Variants in MTUS2 observed in about 807,000 individuals in gnomAD.
MTUS2 encodes the protein microtubule associated scaffold protein 2.
MTUS2 carries 40 observed loss-of-function variants against 114.1 expected under a neutral mutation model. That is an observed-to-expected ratio of 0.35 (90% confidence interval 0.27 to 0.46). The LOEUF is 0.46. MTUS2 is among the 20% of genes least tolerant of loss of function. MTUS2 has a pLI of 1.00. For synonymous variants in MTUS2, 688 were observed against 672.0 expected, an observed-to-expected ratio of 1.02 and a Z score of -0.37; for missense variants, 1,679 against 1,705.4, an observed-to-expected ratio of 0.98 and a Z score of 0.27.
chr13:29,128,954 A>C (rs553243576), intron 5 of MTUS2, among the ~76,000 whole-genome samples: 1 of 152,238 alleles, frequency 6.6e-6, no homozygotes. Context: ...TGTGCATCAA[A>C]GGATGACCCT....
chr13:29,382,610 G>A (rs1264846853), intron 8 of MTUS2, among the ~76,000 whole-genome samples: 1 of 152,190 alleles, frequency 6.6e-6, no homozygotes, highest in East Asian at 1.9e-4. Context: ...AAGTGAAGGT[G>A]TTAAGTAGGC....
At chr13:28,876,415 C>T (rs1877933388) in intron 2 of MTUS2, among the ~76,000 whole-genome samples, 1 of 152,180 alleles carries the variant, frequency 6.6e-6, no homozygotes, top group Non-Finnish European at 1.5e-5. Context: ...TCCCGCATGA[C>T]ATCATCTGGT....
intron 4 of MTUS2, among the ~76,000 whole-genome samples, chr13:29,047,567 G>T (rs749131525): frequency 4.0e-5 from 6 of 148,960 alleles, no homozygotes; most frequent in Non-Finnish European, 7.4e-5. Flanking sequence ...AGGCTGGAGT[G>T]CAGTGGCGCA....
rs765056510 is a variant in MTUS2, at chr13:29,497,221, T to G, written c.3580-17T>G. 6.2e-7 allele frequency: 1 copy of G among 1,609,800 alleles called. No homozygotes were observed. The highest frequency in any genetic ancestry group is 8.5e-7 in the Non-Finnish European group (1 of 1,177,824). Reference sequence around the variant, plus strand: ...CTGTAGTGGCCCCAGCTGGACTCCTTGTATCATTACTTGCAGGACCAGGTG... The same window carrying G: ...CTGTAGTGGCCCCAGCTGGACTCCTGGTATCATTACTTGCAGGACCAGGTG... On this transcript the variant is annotated splice_polypyrimidine_tract_variant and intron_variant, in intron 12 of 15. Transcript: ENST00000612955.
rs1266870140 is a variant in MTUS2, at chr13:28,912,876, TTTG to T, written c.-243+73029_-243+73031del. On this transcript the variant is annotated intron_variant, in intron 2 of 15. Transcript: ENST00000612955. ...ATTTTTGCACATTTTTAAAAAAAAT[TTTG>T]TTATTATTATACTTTAAGTTTTAGG... Among the ~76,000 whole-genome samples, 8 of 150,810 alleles carry T rather than the reference TTTG, an allele frequency of 5.3e-5. No homozygotes were observed. In the East Asian group the frequency reaches 1.6e-3, roughly 30 times the overall value.
At chr13:29,204,826 C>T (rs769198552) in intron 5 of MTUS2, among the ~76,000 whole-genome samples, 7 of 152,242 alleles carry the variant, frequency 4.6e-5, no homozygotes, top group South Asian at 2.1e-4. Flanking sequence ...ACTAAAAGCG[C>T]GCAAAGCATC....
At chr13:29,472,128 G>A (rs1039807107) in intron 9 of MTUS2, among the ~76,000 whole-genome samples, 2 of 152,114 alleles carry the variant, frequency 1.3e-5, no homozygotes, top group African/African-American at 2.4e-5. Flanking sequence ...GAGTTCAAGC[G>A]ATTCTCCTGC....
At chr13:29,456,740 T>A (rs765781321) in intron 9 of MTUS2, among the ~76,000 whole-genome samples, 1 of 152,116 alleles carries the variant, frequency 6.6e-6, no homozygotes, top group Non-Finnish European at 1.5e-5. Flanking sequence ...AAAAAAACTG[T>A]CAACCAGAAT....
intron 2 of MTUS2, among the ~76,000 whole-genome samples, chr13:28,933,404 G>A (rs1008588132): frequency 1.3e-5 from 2 of 152,168 alleles, no homozygotes; most frequent in Non-Finnish European, 2.9e-5. Flanking sequence ...TGCTCTTGAG[G>A]CCTTCCACTG....
In MTUS2 at chr13:29,480,032, G is replaced by A. The variant is rs1320134113; in HGVS notation, c.3185-118G>A. 1.0e-6 allele frequency: 1 copy of A among 986,912 alleles called. No homozygotes were observed. Among genetic ancestry groups the A allele is most frequent in the East Asian group, 2.6e-5 (1 of 37,986 alleles). 61.1% of individuals were successfully genotyped at this position (986,912 alleles called of 1,614,324 possible). A position where few individuals can be genotyped will look rare whatever the true frequency, so the allele number is the denominator to read the frequency against. On this transcript the variant is annotated intron_variant, in intron 9 of 15. Transcript: ENST00000612955. This position sits in a 1 kb window ranked among gnomAD's most constrained non-coding sequence, Gnocchi z 4.4. ...TTACAAACTGTGTAGCCCTGCAGAA[G>A]TCAGAGGACCTCGCCCTGTTTATTA... is the stretch of plus-strand genomic sequence containing the variant.
At chr13:28,903,169 G>C (rs2137968314) in intron 2 of MTUS2, among the ~76,000 whole-genome samples, 1 of 152,244 alleles carries the variant, frequency 6.6e-6, no homozygotes, top group African/African-American at 2.4e-5. Flanking sequence ...TGTTCTTCAT[G>C]TGAGAGTGTC....
chr13:29,482,894 TC>T (rs1488059849), intron 10 of MTUS2, among the ~76,000 whole-genome samples: 2 of 152,238 alleles, frequency 1.3e-5, no homozygotes, highest in Non-Finnish European at 2.9e-5. Flanking sequence ...GTTGGCTGTT[TC>T]CCCAGGCTTC....
chr13:29,007,425 G>A (rs956671119), intron 2 of MTUS2, among the ~76,000 whole-genome samples: 2 of 152,006 alleles, frequency 1.3e-5, no homozygotes, highest in Non-Finnish European at 2.9e-5. Flanking sequence ...CATCAATTTT[G>A]GATATTTATC....
intron 5 of MTUS2, among the ~76,000 whole-genome samples, chr13:29,247,705 G>T (rs1028412286): frequency 6.6e-6 from 1 of 152,106 alleles, no homozygotes; most frequent in East Asian, 1.9e-4. Flanking sequence ...ATGTGATACC[G>T]CCATACTCCT....
intron 3 of MTUS2, among the ~76,000 whole-genome samples, chr13:29,029,175 G>A (rs941214989): frequency 1.6e-4 from 24 of 152,178 alleles, no homozygotes; most frequent in African/African-American, 5.8e-4. Context: ...ACAGGCCTCT[G>A]ATTATAACGG....
At chr13:29,418,159 CA>C (rs961655254) in intron 8 of MTUS2, among the ~76,000 whole-genome samples, 1 of 152,124 alleles carries the variant, frequency 6.6e-6, no homozygotes, top group Admixed American at 6.5e-5. Flanking sequence ...AGCCAGTGCC[CA>C]ATAGTCCTTG....
intron 7 of MTUS2, among the ~76,000 whole-genome samples, chr13:29,357,005 CAGA>C (rs1293795966): frequency 6.6e-6 from 1 of 152,110 alleles, no homozygotes; most frequent in Admixed American, 6.5e-5. Context: ...TCGCTGGCCC[CAGA>C]AGAAGAGGTG....
chr13:28,909,387 C>T (rs890556138), intron 2 of MTUS2, among the ~76,000 whole-genome samples: 6 of 151,932 alleles, frequency 3.9e-5, no homozygotes, highest in African/African-American at 9.7e-5. Flanking sequence ...TTGTAGTTCT[C>T]CTTGAAGAGG....
intron 2 of MTUS2, among the ~76,000 whole-genome samples, chr13:28,963,609 C>A (rs1442035411): frequency 3.9e-5 from 6 of 152,070 alleles, no homozygotes; most frequent in African/African-American, 1.4e-4. Context: ...AAAAACAAAA[C>A]CAAAACCCCT....
Sources: allele counts gnomAD v4.1 joint callset (sites outside exome capture counted in the v4.1 genomes callset), GRCh38; gene constraint gnomAD v4.1.1; non-coding constraint Gnocchi (gnomAD v3.1); transcripts MANE v1.5; gene names NCBI Gene and HGNC (gene_info 2026-07-23, HGNC 2026-07-21).